The following RSF1 variants were observed in gnomAD, a reference collection of about 807,000 sequenced individuals.
RSF1 encodes the protein HBV pX-associated protein 8.
In RSF1, 13 loss-of-function variants were observed where a neutral mutation model predicts 145.2. The ratio of observed to expected loss-of-function variants is 0.09; its 90% CI spans 0.06 to 0.14. The LOEUF (loss-of-function observed/expected upper bound fraction) is 0.14, where lower values mean the gene tolerates loss of function less well. Among genes scored for constraint, RSF1 ranks in the 10% least tolerant of loss-of-function variants. The pLI is 1.00. For synonymous variants in RSF1, 577 were observed against 592.6 expected, an observed-to-expected ratio of 0.97 and a Z score of 0.38; for missense variants, 1,517 against 1,718.2, an observed-to-expected ratio of 0.88 and a Z score of 2.07.
intron 1 of RSF1, among the ~76,000 whole-genome samples, chr11:77,770,259 G>A (rs1435814108): frequency 1.3e-5 from 2 of 152,048 alleles, no homozygotes; most frequent in East Asian, 1.9e-4. Flanking sequence ...TCAGGAGATC[G>A]AGACCACCCT....
intron 1 of RSF1, among the ~76,000 whole-genome samples, chr11:77,785,210 A>G (rs1215820766): frequency 2.0e-5 from 3 of 152,200 alleles, no homozygotes; most frequent in African/African-American, 4.8e-5. Flanking sequence ...TGGTTCATGT[A>G]TCTTGATCCA....
the RSF1 span, among the ~76,000 whole-genome samples, chr11:77,830,303 T>C: frequency 6.6e-6 from 1 of 152,182 alleles, no homozygotes; most frequent in African/African-American, 2.4e-5. Flanking sequence ...GCAAACTGTT[T>C]ATCATGAATG....
At chr11:77,849,008 G>A in the RSF1 span, among the ~76,000 whole-genome samples, 1 of 150,460 alleles carries the variant, frequency 6.6e-6, no homozygotes, top group East Asian at 1.9e-4. Flanking sequence ...GGTCAGGCTG[G>A]TCTCAAACTC....
intron 15 of RSF1, among the ~76,000 whole-genome samples, chr11:77,671,419 G>C (rs949179091): frequency 4.6e-5 from 7 of 151,274 alleles, no homozygotes; most frequent in Non-Finnish European, 8.8e-5. Flanking sequence ...GACATAAGAG[G>C]TTATTTCAAA....
intron 5 of RSF1, among the ~76,000 whole-genome samples, chr11:77,706,708 G>A (rs1441971384): frequency 6.6e-6 from 1 of 151,728 alleles, no homozygotes; most frequent in Admixed American, 6.6e-5. Flanking sequence ...ACGTACGCAG[G>A]TTTGTTATAC....
chr11:77,678,374 A>T (rs1959769614), intron 11 of RSF1, among the ~76,000 whole-genome samples: 1 of 151,504 alleles, frequency 6.6e-6, no homozygotes, highest in Non-Finnish European at 1.5e-5. Flanking sequence ...GTGCCACCAA[A>T]CCCAGCTAAT....
At chr11:77,787,384 T>TA (rs1180670453) in intron 1 of RSF1, among the ~76,000 whole-genome samples, 8 of 151,702 alleles carry the variant, frequency 5.3e-5, no homozygotes, top group South Asian at 4.2e-4. Flanking sequence ...CTGAAAAAGG[T>TA]AAAAAAAAGA....
At chr11:77,686,580 AT>A (rs1960013464) in intron 9 of RSF1, among the ~76,000 whole-genome samples, 1 of 151,918 alleles carries the variant, frequency 6.6e-6, no homozygotes, top group South Asian at 2.1e-4. Flanking sequence ...ATATTAATGT[AT>A]CCAGCTGGCT....
At chr11:77,717,904 T>C (rs948258158) in intron 5 of RSF1, 3 of 152,248 alleles carry the variant, frequency 2.0e-5, no homozygotes, top group African/African-American at 7.2e-5. Context: ...GTCTCACTTA[T>C]TACCAGTAAT....
chr11:77,858,283 C>T, the RSF1 span, among the ~76,000 whole-genome samples: 1 of 146,948 alleles, frequency 6.8e-6, no homozygotes, highest in Admixed American at 6.9e-5. Flanking sequence ...CAACCTCCAC[C>T]TCCTGCGTTT....
chr11:77,734,943 C>T (rs1290395927), intron 4 of RSF1: 3 of 1,595,092 alleles, frequency 1.9e-6, no homozygotes, highest in Non-Finnish European at 2.6e-6. Context: ...AGGCACAGAG[C>T]TCTAGGTTGA....
the RSF1 span, among the ~76,000 whole-genome samples, chr11:77,831,660 AAAG>A: frequency 6.6e-6 from 1 of 151,684 alleles, no homozygotes; most frequent in Admixed American, 6.6e-5. Flanking sequence ...ACACAACATG[AAAG>A]AAGCAGCCAC....
rs554744606 is a variant in RSF1 at position 77,740,332 on chromosome 11, G to A, written c.578+399C>T. On this transcript the variant is annotated intron_variant, in intron 4 of 15. Coordinates refer to ENST00000308488, the MANE Select transcript of RSF1 (RefSeq NM_016578.4). ...GGAGGTTACAGTGAGCCGAGATTGC[G>A]CCATTGCACTCCAGCCTGGGCAACA... Among the ~76,000 whole-genome samples, 133 of 152,300 alleles carry A rather than the reference G, an allele frequency of 8.7e-4. 1 individual carries two copies. The highest frequency in any genetic ancestry group is 3.1e-3 in the African/African-American group (127 of 41,572).
intron 1 of RSF1, among the ~76,000 whole-genome samples, chr11:77,768,524 T>C (rs892991209): frequency 5.3e-5 from 8 of 152,224 alleles, no homozygotes; most frequent in Non-Finnish European, 8.8e-5. Context: ...TTTCAGACTA[T>C]TTAAAATACA....
Position 77,734,891 on chromosome 11 carries a change from C to T in RSF1, c.578+5840G>A. The stretch of plus-strand genomic sequence containing the variant: ...TTGGCAAAGTTCTTCAAAGCCACAT[C>T]ATCACGGTCAAAGCAGTAAGACATG... On this transcript the variant is annotated intron_variant, in intron 4 of 15. Transcript: ENST00000308488. 1.9e-6 allele frequency: 3 copies of T among 1,581,380 alleles called. No homozygotes were observed. The Admixed American group carries it at 5.0e-5, about 26-fold the overall frequency.
the RSF1 span, among the ~76,000 whole-genome samples, chr11:77,855,864 C>A: frequency 6.6e-6 from 1 of 151,940 alleles, no homozygotes; most frequent in Non-Finnish European, 1.5e-5. Flanking sequence ...CTTTGGGAGG[C>A]CAAGGTTATG....
At chr11:77,837,415 T>G in the RSF1 span, among the ~76,000 whole-genome samples, 1 of 149,640 alleles carries the variant, frequency 6.7e-6, no homozygotes, top group Non-Finnish European at 1.5e-5. Flanking sequence ...GCATCACAGA[T>G]GTAAGCCACT....
chr11:77,761,021 T>G (rs1238540506), intron 2 of RSF1, among the ~76,000 whole-genome samples: 1 of 152,010 alleles, frequency 6.6e-6, no homozygotes, highest in Non-Finnish European at 1.5e-5. Context: ...TCCGCCTCCC[T>G]GCAACTTCCG....
chr11:77,772,492 T>G (rs1015945517), intron 1 of RSF1, among the ~76,000 whole-genome samples: 1 of 152,116 alleles, frequency 6.6e-6, no homozygotes, highest in Admixed American at 6.6e-5. Flanking sequence ...ATACTTTTCA[T>G]CATTTCAAAG....
Sources: gnomAD v4.1 joint callset for allele counts (sites outside exome capture counted in the v4.1 genomes callset) on GRCh38, gnomAD v4.1.1 for gene constraint, MANE v1.5 for transcripts, NCBI Gene and HGNC (gene_info 2026-07-23, HGNC 2026-07-21) for gene names.